The following RBPJ variants were observed in gnomAD, a reference collection of about 807,000 sequenced individuals.
The protein encoded by RBPJ is recombination signal binding protein for immunoglobulin kappa J region.
A neutral mutation model predicts 67.8 loss-of-function variants in RBPJ; 9 were observed. The ratio of observed to expected loss-of-function variants is 0.13; its 90% CI spans 0.08 to 0.23. The LOEUF (loss-of-function observed/expected upper bound fraction) is 0.23. RBPJ is among the 10% of genes least tolerant of loss of function. The pLI is 1.00. For synonymous variants in RBPJ, 198 were observed against 203.3 expected (o/e 0.97, Z 0.22); for missense variants, 305 against 595.6 (o/e 0.51, Z 5.08).
In RBPJ at chr4:26,308,827, C is replaced by T. The variant is rs555208049; in HGVS notation, c.-166-53619C>T. Among the ~76,000 whole-genome samples the T allele has an allele frequency of 8.5e-5, 13 of 152,210 alleles. No individual in the cohort carries two copies. In the East Asian group the frequency reaches 2.5e-3, roughly 29 times the overall value. On this transcript the variant is annotated intron_variant, in intron 1 of 4. Coordinates refer to the RBPJ transcript ENST00000512351. ...CAAAGAGTGAAACCTTTCTGGTAGGCTTTCTTTGAAAGAGTGATAAAGGCC... is the reference window on the plus strand; with the variant it reads ...CAAAGAGTGAAACCTTTCTGGTAGGTTTTCTTTGAAAGAGTGATAAAGGCC...
chr4:26,165,659 G>A (rs898427933), intron 1 of RBPJ, among the ~76,000 whole-genome samples: 2 of 151,210 alleles, frequency 1.3e-5, no homozygotes, highest in Admixed American at 1.3e-4. Context: ...TAATGATGAA[G>A]TAAAGCTATT....
At chr4:26,239,015 GACA>G (rs1719546823) in intron 1 of RBPJ, among the ~76,000 whole-genome samples, 1 of 152,044 alleles carries the variant, frequency 6.6e-6, no homozygotes, top group African/African-American at 2.4e-5. Context: ...CAATCAATCA[GACA>G]ACAATTGAGG....
At chr4:26,410,176 T>C (rs1384861773) in intron 3 of RBPJ, 5 of 342,588 alleles carry the variant, frequency 1.5e-5, no homozygotes, top group Non-Finnish European at 2.9e-5. Flanking sequence ...GTCTTCTTTC[T>C]TGCCGATCCT....
At chr4:26,349,288 C>T (rs1224606365) in intron 1 of RBPJ, among the ~76,000 whole-genome samples, 3 of 152,050 alleles carry the variant, frequency 2.0e-5, no homozygotes, top group Non-Finnish European at 4.4e-5. Flanking sequence ...CCCAGGCTGG[C>T]CTCAAACTTC....
intron 1 of RBPJ, among the ~76,000 whole-genome samples, chr4:26,305,158 C>T (rs1722194018): frequency 6.6e-6 from 1 of 152,176 alleles, no homozygotes; most frequent in Admixed American, 6.5e-5. Context: ...AATGTGAGGG[C>T]TTATTTCTGG....
the RBPJ span, among the ~76,000 whole-genome samples, chr4:26,115,684 T>G: frequency 1.3e-5 from 2 of 152,202 alleles, no homozygotes; most frequent in African/African-American, 4.8e-5. Context: ...TGAGATATTA[T>G]TTCACAAGGA....
At chr4:26,199,476 A>G (rs1717904810) in intron 1 of RBPJ, among the ~76,000 whole-genome samples, 1 of 152,204 alleles carries the variant, frequency 6.6e-6, no homozygotes, top group East Asian at 1.9e-4. Flanking sequence ...ATACACACAC[A>G]TGTCAGAAAC....
At chr4:26,320,845 ATCCCC>A (rs1722946407), upstream of RBPJ, 3 of 1,567,792 alleles carry the variant, frequency 1.9e-6, no homozygotes, top group Non-Finnish European at 2.6e-6. Flanking sequence ...AGCGAGCAGG[ATCCCC>A]TACTCTGCGG....
chr4:26,204,304 C>G lies in RBPJ; in HGVS notation c.-167+40690C>G, dbSNP rs145872750. 2.0e-5 allele frequency among the ~76,000 whole-genome samples: 3 copies of G among 152,152 alleles called. No homozygotes were observed. The East Asian group carries it at 5.8e-4, about 29-fold the overall frequency. On this transcript the variant is annotated intron_variant, in intron 1 of 4. Coordinates refer to the RBPJ transcript ENST00000512351. ...AGAAATAGAGTACATAGTTTTTGCA[C>G]TCAAAAAATGCTGAATCTAGCAGAG...
chr4:26,235,416 G>A (rs1479974473), intron 1 of RBPJ, among the ~76,000 whole-genome samples: 2 of 152,154 alleles, frequency 1.3e-5, no homozygotes, highest in Non-Finnish European at 2.9e-5. Flanking sequence ...CCTGGGCCAA[G>A]AACTTATGTC....
chr4:26,415,654 G>A lies in RBPJ; in HGVS notation c.321+14G>A. 1 of 1,589,304 alleles carries A rather than the reference G, an allele frequency of 6.3e-7. No homozygotes were observed. The highest frequency in any genetic ancestry group is 8.5e-7 in the Non-Finnish European group (1 of 1,169,920). On this transcript the variant is annotated intron_variant, in intron 4 of 10. Coordinates refer to ENST00000355476, the MANE Select transcript of RBPJ (RefSeq NM_015874.6). ...TTGGAAGGAAAGGTAAATCAAGACT[G>A]CTAGTTCACCAGAAAGGGGCACCAT...
chr4:26,245,849 C>T (rs965932288), intron 1 of RBPJ, among the ~76,000 whole-genome samples: 1 of 152,130 alleles, frequency 6.6e-6, no homozygotes, highest in Admixed American at 6.5e-5. Context: ...TATCTTGGTA[C>T]CCTTGTTGAA....
the RBPJ span, among the ~76,000 whole-genome samples, chr4:26,129,426 C>T: frequency 1.3e-5 from 2 of 152,176 alleles, no homozygotes; most frequent in African/African-American, 4.8e-5. Flanking sequence ...AAAGCATGAA[C>T]ATTAAGTAAA....
At chr4:26,214,764 A>G (rs1156683582) in intron 1 of RBPJ, among the ~76,000 whole-genome samples, 3 of 120,258 alleles carry the variant, frequency 2.5e-5, no homozygotes, top group Non-Finnish European at 4.9e-5. Context: ...AAAAGAGAGA[A>G]AAAAGAGAAA....
intron 1 of RBPJ, among the ~76,000 whole-genome samples, chr4:26,231,433 C>T (rs1577497599): frequency 6.8e-6 from 1 of 147,672 alleles, no homozygotes; most frequent in South Asian, 2.1e-4. Context: ...TTTTTTTAGA[C>T]AGAGTTTCAC....
At chr4:26,363,600 T>C (rs550894855) in intron 1 of RBPJ, among the ~76,000 whole-genome samples, 1 of 152,026 alleles carries the variant, frequency 6.6e-6, no homozygotes, top group East Asian at 1.9e-4. Flanking sequence ...CACCACGCCC[T>C]GCTCATTTTT....
chr4:26,329,887 C>T (rs1560270017), intron 1 of RBPJ, among the ~76,000 whole-genome samples: 1 of 149,764 alleles, frequency 6.7e-6, no homozygotes, highest in African/African-American at 2.5e-5. Context: ...GAGTGAGACT[C>T]TGTCTCCAAA....
rs573425542 is a variant in RBPJ at position 26,431,925 on chromosome 4, A to C, written c.*918A>C. ...TGGCCATTTAGCTATTAATGAGTTA[A>C]TGGCGCAGAACTTGTTGATATTTGA... is the stretch of plus-strand genomic sequence containing the variant. On this transcript the variant is annotated 3_prime_UTR_variant, in exon 11 of 11. Transcript: ENST00000355476. 1 of 152,306 alleles carries C rather than the reference A, an allele frequency of 6.6e-6. No individual in the cohort carries two copies. The highest frequency in any genetic ancestry group is 1.9e-4 in the East Asian group (1 of 5,184). 9.4% of individuals were successfully genotyped at this position (152,306 alleles called of 1,614,324 possible). A position where few individuals can be genotyped will look rare whatever the true frequency, so the allele number is the denominator to read the frequency against.
At chr4:26,107,775 G>A in the RBPJ span, among the ~76,000 whole-genome samples, 2 of 152,194 alleles carry the variant, frequency 1.3e-5, no homozygotes, top group East Asian at 3.9e-4. Context: ...GTGCACACCT[G>A]TAGTCCCAGC....
Sources: allele counts gnomAD v4.1 joint callset (sites outside exome capture counted in the v4.1 genomes callset), GRCh38; gene constraint gnomAD v4.1.1; transcripts MANE v1.5; gene names NCBI Gene and HGNC (gene_info 2026-07-23, HGNC 2026-07-21).